Variants in BZW2 observed in about 807,000 individuals in gnomAD.
The protein encoded by BZW2 is eIF5-mimic protein 1.
BZW2 carries 23 observed loss-of-function variants against 53.2 expected under a neutral mutation model. The ratio of observed to expected loss-of-function variants is 0.43; its 90% CI spans 0.31 to 0.61. The LOEUF (loss-of-function observed/expected upper bound fraction) is 0.61. Among genes scored for constraint, BZW2 ranks in the 20% least tolerant of loss-of-function variants. BZW2 has a pLI of 0.09. For missense variants in BZW2, 409 were observed against 503.1 expected (o/e 0.81, Z 1.79); for synonymous variants, 227 against 186.4 (o/e 1.22, Z -1.77).
At chr7:16,650,122 C>A (rs1781950243) in intron 1 of BZW2, among the ~76,000 whole-genome samples, 1 of 151,992 alleles carries the variant, frequency 6.6e-6, no homozygotes, top group African/African-American at 2.4e-5. Flanking sequence ...ACAGTTACAC[C>A]TAAATCTGCA....
At chr7:16,685,876 CTT>C (rs34699573) in intron 5 of BZW2, 27 bp from the exon 6 acceptor site, 64,161 of 1,168,622 alleles carry the variant, frequency 0.055, no homozygotes, top group East Asian at 0.062. Context: ...TTTTCTTTTT[CTT>C]TTTTTTTTTT....
chr7:16,665,534 A>C, intron 2 of BZW2, 33 bp downstream of exon 2: 1 of 1,593,274 alleles, frequency 6.3e-7, no homozygotes, highest in Non-Finnish European at 8.5e-7. Flanking sequence ...TGTGTGTTTA[A>C]AGTTGTAACC....
chr7:16,693,870 T>G (rs1783397887), intron 7 of BZW2, among the ~76,000 whole-genome samples: 1 of 152,186 alleles, frequency 6.6e-6, no homozygotes, highest in Admixed American at 6.5e-5. Context: ...AACATTGAAA[T>G]TTGAATCCTG....
intron 3 of BZW2, among the ~76,000 whole-genome samples, chr7:16,675,737 A>G (rs13234564): frequency 0.26 from 39,905 of 152,160 alleles, 5,643 homozygotes; most frequent in East Asian, 0.38. Flanking sequence ...CTCAAATCCC[A>G]TTACCCGGGA....
At chr7:16,698,283 T>C (rs556246742) in intron 10 of BZW2, 97 bp downstream of exon 10, 4 of 1,466,462 alleles carry the variant, frequency 2.7e-6, no homozygotes, top group African/African-American at 1.4e-5. Flanking sequence ...TGGGGCTCTG[T>C]TTAGAGAGGG....
At chr7:16,689,964 A>G in intron 7 of BZW2, 58 bp downstream of exon 7, 1 of 1,300,592 alleles carries the variant, frequency 7.7e-7, no homozygotes, top group South Asian at 1.3e-5. Flanking sequence ...AGCTTAAGCA[A>G]TGCCTGCAAT....
intron 3 of BZW2, among the ~76,000 whole-genome samples, chr7:16,676,461 T>A (rs985893103): frequency 1.3e-5 from 2 of 152,070 alleles, no homozygotes; most frequent in Non-Finnish European, 2.9e-5. Context: ...GGCAGGAGAA[T>A]CTCTTGAATC....
intron 3 of BZW2, among the ~76,000 whole-genome samples, chr7:16,675,517 G>A (rs1782737787): frequency 1.3e-5 from 2 of 152,190 alleles, no homozygotes; most frequent in Admixed American, 1.3e-4. Flanking sequence ...ATCTTGAGGT[G>A]GAACTGCCCG....
intron 10 of BZW2, among the ~76,000 whole-genome samples, chr7:16,704,339 T>TATC (rs960223236): frequency 2.6e-5 from 4 of 152,204 alleles, no homozygotes; most frequent in Non-Finnish European, 4.4e-5. Flanking sequence ...AGAAGATGTA[T>TATC]ATCATCATCA....
At chr7:16,698,858 TAAG>T (rs1488696029) in intron 10 of BZW2, among the ~76,000 whole-genome samples, 2 of 152,194 alleles carry the variant, frequency 1.3e-5, no homozygotes, top group African/African-American at 4.8e-5. Flanking sequence ...AAGGAACACT[TAAG>T]AAGTGGTACA....
At chr7:16,676,074 C>T (rs1782754638) in intron 3 of BZW2, among the ~76,000 whole-genome samples, 1 of 152,112 alleles carries the variant, frequency 6.6e-6, no homozygotes, top group Admixed American at 6.5e-5. Flanking sequence ...GAGCGAGATT[C>T]TCTCTCGAAA....
Position 16,706,459 on chromosome 7 carries a change from A to G in BZW2, c.*371A>G, listed in dbSNP as rs1028250933. ...TTACAGGCCACTTTGGTAGTTGTGTATCTGCTCATGTATGTGATTTGACAA... is the reference window on the plus strand; with the variant it reads ...TTACAGGCCACTTTGGTAGTTGTGTGTCTGCTCATGTATGTGATTTGACAA... On this transcript the variant is annotated 3_prime_UTR_variant, in exon 12 of 12. Coordinates refer to ENST00000258761, the MANE Select transcript of BZW2 (RefSeq NM_014038.3). 1 of 186,120 alleles carries G rather than the reference A, an allele frequency of 5.4e-6. No individual in the cohort carries two copies. Among genetic ancestry groups the G allele is most frequent in the East Asian group, 1.3e-4 (1 of 7,518 alleles). 11.5% of individuals were successfully genotyped at this position (186,120 alleles called of 1,614,324 possible). A position where few individuals can be genotyped will look rare whatever the true frequency, so the allele number is the denominator to read the frequency against.
intron 1 of BZW2, among the ~76,000 whole-genome samples, chr7:16,659,204 AAG>A (rs1307840332): frequency 3.3e-5 from 5 of 150,898 alleles, no homozygotes; most frequent in Admixed American, 3.3e-4. Flanking sequence ...CTACCTTATA[AAG>A]AGTTATTAAA....
chr7:16,682,926 G>T (rs987728783), intron 5 of BZW2, 81 bp downstream of exon 5: 1 of 924,230 alleles, frequency 1.1e-6, no homozygotes. Context: ...GGCCGGACAC[G>T]GTGGCTCACG....
chr7:16,690,447 C>T (rs555057688), intron 7 of BZW2, among the ~76,000 whole-genome samples: 41 of 152,152 alleles, frequency 2.7e-4, no homozygotes, highest in African/African-American at 8.0e-4. Flanking sequence ...TCAAGTAATC[C>T]GCCCACCTCA....
At chr7:16,676,922 A>G (rs1354252906) in intron 3 of BZW2, among the ~76,000 whole-genome samples, 1 of 152,012 alleles carries the variant, frequency 6.6e-6, no homozygotes, top group Non-Finnish European at 1.5e-5. Flanking sequence ...TCTGCATGCC[A>G]CTTCTTACAT....
intron 3 of BZW2, among the ~76,000 whole-genome samples, chr7:16,680,450 A>C (rs1484813951): frequency 6.6e-6 from 1 of 152,204 alleles, no homozygotes; most frequent in African/African-American, 2.4e-5. Flanking sequence ...GTGGAACAAA[A>C]ATGAAGTACA....
At chr7:16,655,969 A>G (rs1782109794) in intron 1 of BZW2, among the ~76,000 whole-genome samples, 1 of 151,914 alleles carries the variant, frequency 6.6e-6, no homozygotes, top group Non-Finnish European at 1.5e-5. Context: ...TAAAAATAAG[A>G]TACTTTTCTT....
At chr7:16,674,721 AT>A in intron 3 of BZW2, 133 bp downstream of exon 3, 1 of 803,568 alleles carries the variant, frequency 1.2e-6, no homozygotes, top group Non-Finnish European at 1.8e-6. Context: ...GAAGCCTATA[AT>A]TTTACCTGGT....
Sources: gnomAD v4.1 joint callset for allele counts (sites outside exome capture counted in the v4.1 genomes callset) on GRCh38, gnomAD v4.1.1 for gene constraint, MANE v1.5 for transcripts, NCBI Gene and HGNC (gene_info 2026-07-23, HGNC 2026-07-21) for gene names.